The following PDS5B variants were observed in gnomAD, a reference collection of about 807,000 sequenced individuals.
PDS5B encodes the protein sister chromatid cohesion protein PDS5 homolog B.
A neutral mutation model predicts 184.1 loss-of-function variants in PDS5B; 51 were observed. The ratio of observed to expected loss-of-function variants is 0.28; its 90% CI spans 0.22 to 0.35. The LOEUF (loss-of-function observed/expected upper bound fraction) is 0.35, where lower values mean the gene tolerates loss of function less well. Ranked by LOEUF, PDS5B falls within the 10% of genes least tolerant of loss-of-function variation. The probability of loss-of-function intolerance (pLI) is 1.00; values close to 1 mark genes in which losing one functional copy is unlikely to be tolerated. For missense variants in PDS5B, 1,180 were observed against 1,723.3 expected, an observed-to-expected ratio of 0.68 and a Z score of 5.58; for synonymous variants, 566 against 569.2, an observed-to-expected ratio of 0.99 and a Z score of 0.08.
At chr13:32,627,786 G>T (rs972146572) in intron 1 of PDS5B, among the ~76,000 whole-genome samples, 13 of 152,190 alleles carry the variant, frequency 8.5e-5, no homozygotes, top group African/African-American at 3.1e-4. Context: ...GTGGGATGAG[G>T]ATAGAGATGA....
chr13:32,679,979 CCTTTT>C (rs1951192771), intron 10 of PDS5B, among the ~76,000 whole-genome samples: 2 of 151,532 alleles, frequency 1.3e-5, no homozygotes, highest in South Asian at 4.2e-4. Context: ...TCTTTAGCAT[CCTTTT>C]CTTGTGTTGC....
At chr13:32,622,900 A>C (rs979172128) in intron 1 of PDS5B, among the ~76,000 whole-genome samples, 13 of 152,214 alleles carry the variant, frequency 8.5e-5, no homozygotes, top group Non-Finnish European at 1.9e-4. Flanking sequence ...CAGGTATTGC[A>C]GCAGAGAAAG....
At chr13:32,600,303 C>A (rs117161462) in intron 1 of PDS5B, among the ~76,000 whole-genome samples, 1 of 152,124 alleles carries the variant, frequency 6.6e-6, no homozygotes, top group Non-Finnish European at 1.5e-5. Flanking sequence ...TTCATAAATA[C>A]AAAATTTTTG....
At chr13:32,658,936 TAA>T (rs59633601) in intron 5 of PDS5B, among the ~76,000 whole-genome samples, 1 of 151,912 alleles carries the variant, frequency 6.6e-6, no homozygotes, top group Non-Finnish European at 1.5e-5. Flanking sequence ...TGAGACTGGT[TAA>T]AAATTAGGGA....
chr13:32,657,144 C>T (rs899049437), intron 3 of PDS5B, among the ~76,000 whole-genome samples: 5 of 152,030 alleles, frequency 3.3e-5, no homozygotes, highest in Admixed American at 2.6e-4. Flanking sequence ...AGTTGTCTGC[C>T]CCAATAATCT....
chr13:32,598,878 C>G (rs2057924391), intron 1 of PDS5B, among the ~76,000 whole-genome samples: 1 of 149,818 alleles, frequency 6.7e-6, no homozygotes, highest in African/African-American at 2.5e-5. Flanking sequence ...TCACGCCATT[C>G]TCCTGCCTCA....
At position 32,750,148 on chromosome 13, in the gene PDS5B, G is replaced by A. The variant is rs545368113; in HGVS notation, c.2737-3184G>A. 2.0e-5 allele frequency among the ~76,000 whole-genome samples: 3 copies of A among 152,212 alleles called. No individual in the cohort carries two copies. In the East Asian group the frequency reaches 5.8e-4, roughly 29 times the overall value. ...TTCAGTTGTTATTTATGTTAGTGGAGTTGCCTATGATTTCACAGTTCTCTA... is the reference window on the plus strand; with the variant it reads ...TTCAGTTGTTATTTATGTTAGTGGAATTGCCTATGATTTCACAGTTCTCTA... On this transcript the variant is annotated intron_variant, in intron 24 of 34. Coordinates refer to ENST00000315596, the MANE Select transcript of PDS5B (RefSeq NM_015032.4).
At chr13:32,618,527 A>AG (rs1378312185) in intron 1 of PDS5B, among the ~76,000 whole-genome samples, 1 of 151,320 alleles carries the variant, frequency 6.6e-6, no homozygotes, top group Non-Finnish European at 1.5e-5. Flanking sequence ...GAAAAAAAAA[A>AG]TGTGTATATA....
chr13:32,603,821 T>C (rs1222149220), intron 1 of PDS5B, among the ~76,000 whole-genome samples: 1 of 152,202 alleles, frequency 6.6e-6, no homozygotes, highest in Non-Finnish European at 1.5e-5. Flanking sequence ...GTTGGATACT[T>C]AGGTATTTTA....
intron 1 of PDS5B, among the ~76,000 whole-genome samples, chr13:32,589,350 C>G (rs1358253045): frequency 6.6e-6 from 1 of 152,104 alleles, no homozygotes; most frequent in Non-Finnish European, 1.5e-5. Flanking sequence ...CCCTCCATCC[C>G]CTTCTCACCT....
At chr13:32,716,228 C>A (rs1952402163) in intron 19 of PDS5B, among the ~76,000 whole-genome samples, 1 of 152,094 alleles carries the variant, frequency 6.6e-6, no homozygotes, top group South Asian at 2.1e-4. Context: ...GCGCCTCTTC[C>A]CGGCCGCCAT....
At chr13:32,728,790 TG>T (rs1236672394) in intron 19 of PDS5B, among the ~76,000 whole-genome samples, 1 of 152,166 alleles carries the variant, frequency 6.6e-6, no homozygotes, top group African/African-American at 2.4e-5. Context: ...TTATCTCTTC[TG>T]GGCATTTAAG....
chr13:32,648,389 C>A (rs996397089), intron 1 of PDS5B, among the ~76,000 whole-genome samples: 10 of 152,242 alleles, frequency 6.6e-5, no homozygotes, highest in African/African-American at 1.2e-4. Context: ...TCCCAGTGTT[C>A]CCACTTACTT....
At chr13:32,623,607 C>T (rs993348526) in intron 1 of PDS5B, among the ~76,000 whole-genome samples, 1 of 152,112 alleles carries the variant, frequency 6.6e-6, no homozygotes, top group African/African-American at 2.4e-5. Flanking sequence ...TTAGATTTCT[C>T]TCACTGTTAT....
At chr13:32,699,382 A>G (rs1222250421) in intron 15 of PDS5B, among the ~76,000 whole-genome samples, 1 of 152,176 alleles carries the variant, frequency 6.6e-6, no homozygotes, top group Non-Finnish European at 1.5e-5. Context: ...CTCTTAAATT[A>G]TAAGAGAGCA....
intron 3 of PDS5B, among the ~76,000 whole-genome samples, chr13:32,652,860 A>G (rs1182487282): frequency 6.6e-6 from 1 of 152,184 alleles, no homozygotes; most frequent in Admixed American, 6.5e-5. Flanking sequence ...TATAAATGCA[A>G]AATCTTTAAA....
rs989773233 is a variant in PDS5B at position 32,730,381 on chromosome 13, A to G, written c.2124-1720A>G. On this transcript the variant is annotated intron_variant, in intron 19 of 34. Transcript: ENST00000315596. ...GTATAGTTTGAAGTCAGGTAGCATG[A>G]TATCTCCAGCTTTGTTCTTTTTGCT... Among the ~76,000 whole-genome samples, 8 of 152,294 alleles carry G rather than the reference A, an allele frequency of 5.3e-5. No homozygotes were observed. The East Asian group carries it at 9.6e-4, about 18-fold the overall frequency.
rs1954304383 is a variant in PDS5B at position 32,759,601 on chromosome 13, G to T, written c.3310-27G>T. 2.3e-6 allele frequency: 3 copies of T among 1,286,070 alleles called. No individual in the cohort carries two copies. In the African/African-American group the frequency reaches 4.4e-5, roughly 19 times the overall value. The allele number at this position is 1,286,070 out of a possible 1,614,324, so 79.7% of individuals were successfully genotyped here. A position where few individuals can be genotyped will look rare whatever the true frequency, so the allele number is the denominator to read the frequency against. On this transcript the variant is annotated intron_variant, in intron 28 of 34. Coordinates refer to ENST00000315596, the MANE Select transcript of PDS5B (RefSeq NM_015032.4). ...TGTAGATAGTGTTTTAATATTCACT[G>T]ACTACTTCTTTTTCTCTTGGTTGTA...
chr13:32,719,782 A>AC (rs36113672), intron 19 of PDS5B, among the ~76,000 whole-genome samples: 12,472 of 120,038 alleles, frequency 0.1, 777 homozygotes, highest in African/African-American at 0.22. Context: ...ATGTATAAAG[A>AC]CCCCCCCCCC....
Sources: allele counts gnomAD v4.1 joint callset (sites outside exome capture counted in the v4.1 genomes callset), GRCh38; gene constraint gnomAD v4.1.1; transcripts MANE v1.5; gene names NCBI Gene and HGNC (gene_info 2026-07-23, HGNC 2026-07-21).